Variants in WNT7A observed in about 807,000 individuals in gnomAD.
The protein encoded by WNT7A is Wnt family member 7A.
In WNT7A, 16 loss-of-function variants were observed where a neutral mutation model predicts 28.2. That is an observed-to-expected ratio of 0.57 (90% confidence interval 0.38 to 0.86). WNT7A has a LOEUF of 0.86. Among genes scored for constraint, WNT7A ranks in the 40% least tolerant of loss-of-function variants. WNT7A has a pLI of 0.00. For synonymous variants in WNT7A, 190 were observed against 195.9 expected, an observed-to-expected ratio of 0.97 and a Z score of 0.25; for missense variants, 411 against 489.7, an observed-to-expected ratio of 0.84 and a Z score of 1.52.
At position 13,819,384 on chromosome 3, in the gene WNT7A, C is replaced by A; in HGVS notation, c.610G>T (p.Gly204Cys). 6.2e-7 allele frequency: 1 copy of A among 1,613,532 alleles called. No homozygotes were observed. Among genetic ancestry groups the A allele is most frequent in the Non-Finnish European group, 8.5e-7 (1 of 1,179,800 alleles). Reference sequence around the variant, plus strand: ...TTGGTGGTGCACGAGCCTGACACGCCGTGGCACTTACATTCCAGCTTCATG... The same window carrying A: ...TTGGTGGTGCACGAGCCTGACACGCAGTGGCACTTACATTCCAGCTTCATG... ...ENMKLECKCH[G>C]VSGSCTTKTC... is the part of the protein sequence containing the mutation. Residue 204 changes from glycine to cysteine, a missense_variant, in exon 4 of 4, where the codon GGC becomes TGC. Physicochemically the swap from Gly to Cys is radical, Grantham distance 159. Coordinates refer to ENST00000285018, the MANE Select transcript of WNT7A (RefSeq NM_004625.4).
At chr3:13,827,927 C>T (rs1694222661) in intron 3 of WNT7A, among the ~76,000 whole-genome samples, 1 of 152,144 alleles carries the variant, frequency 6.6e-6, no homozygotes, top group African/African-American at 2.4e-5. Flanking sequence ...CCCAGCCCAA[C>T]CCAGCCTTCT....
intron 2 of WNT7A, among the ~76,000 whole-genome samples, chr3:13,856,490 T>A (rs1201933549): frequency 2.6e-5 from 4 of 152,146 alleles, no homozygotes. Flanking sequence ...GGCTCGCAAC[T>A]CTCTGCATTA....
chr3:13,852,635 C>T (rs184515223), intron 3 of WNT7A, among the ~76,000 whole-genome samples: 1 of 152,268 alleles, frequency 6.6e-6, no homozygotes, highest in East Asian at 1.9e-4. Flanking sequence ...CTTGGGGTGT[C>T]CCATGGCAGC....
chr3:13,851,163 C>G (rs1047246366), intron 3 of WNT7A, among the ~76,000 whole-genome samples: 3 of 152,208 alleles, frequency 2.0e-5, no homozygotes, highest in Non-Finnish European at 4.4e-5. Context: ...ACCGTGGCCA[C>G]AGCCCCTTCA....
In WNT7A at chr3:13,838,602, G is replaced by A. The variant is rs187147594; in HGVS notation, c.570+15930C>T. 9.8e-5 allele frequency among the ~76,000 whole-genome samples: 15 copies of A among 152,310 alleles called. No homozygotes were observed. The East Asian group carries it at 1.9e-3, about 20-fold the overall frequency. On this transcript the variant is annotated intron_variant, in intron 3 of 3. Transcript: ENST00000285018. Reference sequence around the variant, plus strand: ...CTCAGGCAGAGAACGGGAGGTACCCGACTCACAGGAGGGAGCTGGGAAAGG... The same window carrying A: ...CTCAGGCAGAGAACGGGAGGTACCCAACTCACAGGAGGGAGCTGGGAAAGG...
At chr3:13,846,117 G>A (rs1001212813) in intron 3 of WNT7A, among the ~76,000 whole-genome samples, 1 of 152,210 alleles carries the variant, frequency 6.6e-6, no homozygotes, top group African/African-American at 2.4e-5. Flanking sequence ...CAGGCAGAAG[G>A]TGGTGGCTCA....
intron 3 of WNT7A, among the ~76,000 whole-genome samples, chr3:13,833,462 C>T (rs1460763952): frequency 6.6e-6 from 1 of 152,236 alleles, no homozygotes; most frequent in Admixed American, 6.5e-5. Flanking sequence ...GGCCTGGGGC[C>T]AGGTCTCAGC....
At chr3:13,877,731 G>A (rs1198613744) in intron 1 of WNT7A, among the ~76,000 whole-genome samples, 1 of 152,212 alleles carries the variant, frequency 6.6e-6, no homozygotes, top group East Asian at 1.9e-4. Context: ...AAATGTGCTA[G>A]AACATGGAAA....
intron 2 of WNT7A, among the ~76,000 whole-genome samples, chr3:13,863,172 C>T (rs1466290576): frequency 1.3e-5 from 2 of 152,154 alleles, no homozygotes; most frequent in African/African-American, 2.4e-5. Flanking sequence ...TTACTAGATG[C>T]GTTATTGGTT....
intron 3 of WNT7A, among the ~76,000 whole-genome samples, chr3:13,843,673 G>A (rs1478766685): frequency 6.7e-6 from 1 of 150,052 alleles, no homozygotes; most frequent in African/African-American, 2.4e-5. Flanking sequence ...TGTGAGACTT[G>A]GCCAGGAAAA....
Position 13,860,677 on chromosome 3 carries a change from TG to T in WNT7A, c.299-5875del, listed in dbSNP as rs567315816. On this transcript the variant is annotated intron_variant, in intron 2 of 3. Transcript: ENST00000285018. ...GGATGCAAATCTGGAGGTCACCTGC[TG>T]TGCCTAACCACTCCAGAGAACTCCC... 9.2e-5 allele frequency among the ~76,000 whole-genome samples: 14 copies of T among 152,320 alleles called. No individual in the cohort carries two copies. The South Asian group carries it at 2.7e-3, about 29-fold the overall frequency.
intron 2 of WNT7A, among the ~76,000 whole-genome samples, chr3:13,869,529 GA>G (rs1199285514): frequency 6.7e-6 from 1 of 148,240 alleles, no homozygotes; most frequent in East Asian, 2.0e-4. Context: ...GAAAGAGAAA[GA>G]GAGCAAGAAA....
chr3:13,828,106 C>T (rs1219040664), intron 3 of WNT7A, among the ~76,000 whole-genome samples: 1 of 152,142 alleles, frequency 6.6e-6, no homozygotes, highest in East Asian at 1.9e-4. Context: ...CTGAAGTAGC[C>T]CCACTGGTCA....
chr3:13,863,416 GTATA>G (rs56075278), intron 2 of WNT7A, among the ~76,000 whole-genome samples: 15 of 151,798 alleles, frequency 9.9e-5, no homozygotes, highest in Admixed American at 3.3e-4. Flanking sequence ...GTGTGTATGT[GTATA>G]TGTGTGTGTG....
At chr3:13,874,878 G>T (rs1377504514) in intron 2 of WNT7A, 69 bp downstream of exon 2, 3 of 1,503,846 alleles carry the variant, frequency 2.0e-6, no homozygotes, top group Admixed American at 1.8e-5. Context: ...GTTCCAGAGG[G>T]CACCTGAGGG....
rs1047048047 is a variant in WNT7A at position 13,819,247 on chromosome 3, G to T, written c.747C>A (p.Pro249=). The T allele has an allele frequency of 8.1e-6, 13 of 1,614,118 alleles. No individual in the cohort carries two copies. The highest frequency in any genetic ancestry group is 1.7e-5 in the Admixed American group (1 of 60,016). ...GTGGCTTCTTGATCTTCAGGAAGGTGGGCCGCTTGTTGCGGCTGGCACGCA... is the reference window on the plus strand; with the variant it reads ...GTGGCTTCTTGATCTTCAGGAAGGTTGGCCGCTTGTTGCGGCTGGCACGCA... ...EPVRASRNKR[P]TFLKIKKPLS... The change falls in exon 4 of 4, where the codon CCC becomes CCA. Residue 249 remains proline, a synonymous_variant. Transcript: ENST00000285018.
intron 2 of WNT7A, among the ~76,000 whole-genome samples, chr3:13,874,392 T>C (rs1279923159): frequency 6.6e-6 from 1 of 152,172 alleles, no homozygotes; most frequent in Non-Finnish European, 1.5e-5. Flanking sequence ...GCACACGCCA[T>C]TCCCATAAAA....
Position 13,848,864 on chromosome 3 carries a change from AT to A in WNT7A, c.570+5667del, listed in dbSNP as rs375501314. On this transcript the variant is annotated intron_variant, in intron 3 of 3. Coordinates refer to ENST00000285018, the MANE Select transcript of WNT7A (RefSeq NM_004625.4). ...AACCCAGACATCCTTCAAGAGGTGA[AT>A]GGCAAAACAAACTGTGGAGACTCTG... Among the ~76,000 whole-genome samples, 5 of 152,338 alleles carry A rather than the reference AT, an allele frequency of 3.3e-5. No homozygotes were observed. The East Asian group carries it at 5.8e-4, about 18-fold the overall frequency.
chr3:13,869,094 G>A (rs1694985824), intron 2 of WNT7A, among the ~76,000 whole-genome samples: 2 of 148,608 alleles, frequency 1.3e-5, no homozygotes, highest in South Asian at 4.3e-4. Context: ...GAGGGAGAGA[G>A]AAAGAGAAAG....
Sources: gnomAD v4.1 joint callset for allele counts (sites outside exome capture counted in the v4.1 genomes callset) on GRCh38, gnomAD v4.1.1 for gene constraint, MANE v1.5 for transcripts, NCBI Gene and HGNC (gene_info 2026-07-23, HGNC 2026-07-21) for gene names.